Variants in PHAX observed in about 807,000 individuals in gnomAD.
PHAX encodes phosphorylated adapter RNA export protein.
In PHAX, 31 loss-of-function variants were observed where a neutral mutation model predicts 41.6. The observed-to-expected ratio is 0.75, with a 90% CI of 0.56 to 1.01. PHAX has a LOEUF of 1.01. Ranked by LOEUF, PHAX falls within the 50% of genes least tolerant of loss-of-function variation. The probability of loss-of-function intolerance (pLI) is 0.00; values close to 1 mark genes in which losing one functional copy is unlikely to be tolerated. For synonymous variants in PHAX, 175 were observed against 164.9 expected (o/e 1.06, Z -0.47); for missense variants, 453 against 472.9 (o/e 0.96, Z 0.39).
At chr5:126,608,735 G>A (rs922832032) in intron 3 of PHAX, among the ~76,000 whole-genome samples, 7 of 151,870 alleles carry the variant, frequency 4.6e-5, no homozygotes, top group South Asian at 2.1e-4. Context: ...TCGGGAGTTC[G>A]AGACCAGCCT....
At chr5:126,615,691 C>T (rs148984888) in intron 3 of PHAX, among the ~76,000 whole-genome samples, 38 of 152,076 alleles carry the variant, frequency 2.5e-4, no homozygotes, top group African/African-American at 9.2e-4. Context: ...GCCACTAATT[C>T]AATGTTAATG....
intron 4 of PHAX, among the ~76,000 whole-genome samples, chr5:126,623,601 TTTC>T (rs1373866388): frequency 6.6e-6 from 1 of 152,128 alleles, no homozygotes; most frequent in East Asian, 1.9e-4. Flanking sequence ...AGCAAATACT[TTTC>T]TTATTTCTCT....
At chr5:126,606,541 T>G (rs1346802965) in intron 2 of PHAX, among the ~76,000 whole-genome samples, 1 of 152,220 alleles carries the variant, frequency 6.6e-6, no homozygotes, top group Non-Finnish European at 1.5e-5. Flanking sequence ...TTTTATAGTG[T>G]GTGTATATAT....
intron 3 of PHAX, among the ~76,000 whole-genome samples, chr5:126,616,958 G>T (rs1752195800): frequency 6.6e-6 from 1 of 151,632 alleles, no homozygotes; most frequent in African/African-American, 2.4e-5. Context: ...CATTTGTTAG[G>T]TCATTTGAGC....
rs765058648 is a variant in PHAX at position 126,604,003 on chromosome 5, A to C, written c.530A>C (p.Glu177Ala). The part of the protein sequence containing the change: ...HTKDLDKELD[E>A]YMHGGKKMGS... ...AAAGATCTAGACAAGGAACTAGATG[A>C]ATATATGCATGGTGGCAAAAAAATG... The change falls in exon 2 of 5, where the codon GAA (glutamate) becomes GCA (alanine). Residue 177 changes from glutamate to alanine, a missense_variant. Transcript: ENST00000297540. 4.3e-6 allele frequency: 7 copies of C among 1,614,082 alleles called. No homozygotes were observed. The East Asian group carries it at 6.7e-5, about 15-fold the overall frequency.
chr5:126,608,277 A>C, intron 2 of PHAX, 87 bp from the exon 3 acceptor site: 1 of 1,457,140 alleles, frequency 6.9e-7, no homozygotes, highest in Non-Finnish European at 9.2e-7. Context: ...TACTAGAATC[A>C]GATTTTTATT....
intron 3 of PHAX, among the ~76,000 whole-genome samples, chr5:126,615,508 CT>C (rs35158448): frequency 0.11 from 11,769 of 111,422 alleles, 1,015 homozygotes; most frequent in African/African-American, 0.29. Flanking sequence ...ACATTCTGTG[CT>C]TTTTTTTTTT....
At position 126,603,966 on chromosome 5, in the gene PHAX, C is replaced by T. The variant is rs762257311; in HGVS notation, c.493C>T (p.Gln165Ter). 1.2e-6 allele frequency: 2 copies of T among 1,613,778 alleles called. No individual in the cohort carries two copies. The highest frequency in any genetic ancestry group is 4.5e-5 in the East Asian group (2 of 44,876). The change falls in exon 2 of 5, where the codon CAA (glutamine) becomes TAA (stop). Residue 165 changes from glutamine to a stop codon, truncating the protein, a stop_gained. Coordinates refer to ENST00000297540, the MANE Select transcript of PHAX (RefSeq NM_032177.4). LOFTEE classifies it high-confidence loss of function. ...LLAKKLRKES[Q>*]EHTKDLDKEL... ...TGCCAAGAAACTTAGGAAGGAATCTCAAGAGCATACAAAAGATCTAGACAA... is the reference window on the plus strand; with the variant it reads ...TGCCAAGAAACTTAGGAAGGAATCTTAAGAGCATACAAAAGATCTAGACAA...
At chr5:126,617,837 C>T (rs1370483336) in intron 4 of PHAX, among the ~76,000 whole-genome samples, 4 of 152,106 alleles carry the variant, frequency 2.6e-5, no homozygotes, top group African/African-American at 7.2e-5. Context: ...TGGTCTTGTA[C>T]GTCTCGGCTC....
chr5:126,622,802 C>T (rs1752292299), intron 4 of PHAX, among the ~76,000 whole-genome samples: 2 of 152,006 alleles, frequency 1.3e-5, no homozygotes, highest in East Asian at 1.9e-4. Context: ...TGCAAATCAT[C>T]ACACTTTTGT....
At chr5:126,621,821 GA>G (rs1752276513) in intron 4 of PHAX, among the ~76,000 whole-genome samples, 1 of 152,118 alleles carries the variant, frequency 6.6e-6, no homozygotes, top group African/African-American at 2.4e-5. Flanking sequence ...TGGGAGGGGG[GA>G]AATTTTCCCT....
At chr5:126,620,430 C>G (rs528149197) in intron 4 of PHAX, among the ~76,000 whole-genome samples, 2 of 152,178 alleles carry the variant, frequency 1.3e-5, no homozygotes, top group African/African-American at 4.8e-5. Context: ...TTTCCTCCCA[C>G]TGGACCAAAG....
At chr5:126,617,445 TTTG>T (rs1752202967) in intron 4 of PHAX, 112 bp downstream of exon 4, 2 of 588,178 alleles carry the variant, frequency 3.4e-6, no homozygotes, top group Non-Finnish European at 6.0e-6. Flanking sequence ...GTGGACTGAT[TTTG>T]TTATTATCTT....
At chr5:126,618,870 G>A (rs547398432) in intron 4 of PHAX, among the ~76,000 whole-genome samples, 84 of 152,034 alleles carry the variant, frequency 5.5e-4, no homozygotes, top group Middle Eastern at 3.4e-3. Flanking sequence ...TGTTAACCAG[G>A]ATGGTCTCGA....
chr5:126,602,400 G>T (rs7726892), intron 1 of PHAX, among the ~76,000 whole-genome samples: 39,741 of 151,826 alleles, frequency 0.26, 6,462 homozygotes, highest in African/African-American at 0.45. Flanking sequence ...ACTGCTTTTT[G>T]TCTACCTCTG....
At chr5:126,615,057 C>G (rs1001331788) in intron 3 of PHAX, among the ~76,000 whole-genome samples, 57 of 151,992 alleles carry the variant, frequency 3.8e-4, no homozygotes, top group African/African-American at 1.3e-3. Context: ...GGCCCTAACA[C>G]ACTTGTTTTT....
rs6595721 is a variant in PHAX at position 126,625,389 on chromosome 5, A to T, written c.*545A>T. On this transcript the variant is annotated 3_prime_UTR_variant, in exon 5 of 5. Transcript: ENST00000297540. ...AGGCGGGCAGATCACTTGAGGTCAG[A>T]AGTTTGAGACCAGCCAGGCCAACAT... 2 of 152,530 alleles carry T rather than the reference A, an allele frequency of 1.3e-5. No individual in the cohort carries two copies. The highest frequency in any genetic ancestry group is 4.1e-4 in the South Asian group (2 of 4,824). 9.4% of individuals were successfully genotyped at this position (152,530 alleles called of 1,614,324 possible). A position where few individuals can be genotyped will look rare whatever the true frequency, so the allele number is the denominator to read the frequency against.
intron 4 of PHAX, among the ~76,000 whole-genome samples, chr5:126,618,221 T>A (rs1049669690): frequency 1.1e-4 from 16 of 152,112 alleles, no homozygotes; most frequent in African/African-American, 3.9e-4. Flanking sequence ...ATTATAGGCA[T>A]GAGCCACCAC....
At chr5:126,614,540 G>T (rs1292998721) in intron 3 of PHAX, among the ~76,000 whole-genome samples, 1 of 152,114 alleles carries the variant, frequency 6.6e-6, no homozygotes, top group Non-Finnish European at 1.5e-5. Flanking sequence ...AAATTTATGT[G>T]TACAGAGTTT....
Sources: allele counts gnomAD v4.1 joint callset (sites outside exome capture counted in the v4.1 genomes callset), GRCh38; gene constraint gnomAD v4.1.1; transcripts MANE v1.5; gene names NCBI Gene and HGNC (gene_info 2026-07-23, HGNC 2026-07-21).